The following PBX1 variants were observed in gnomAD, a reference collection of about 807,000 sequenced individuals.
PBX1 encodes PBX homeobox 1, also known as pre-B-cell leukemia transcription factor 1.
Under a neutral mutation model 53.4 loss-of-function variants are expected in PBX1, and 6 were observed. That is an observed-to-expected ratio of 0.11 (90% confidence interval 0.06 to 0.22). The LOEUF (loss-of-function observed/expected upper bound fraction) is 0.22. Ranked by LOEUF, PBX1 falls within the 10% of genes least tolerant of loss-of-function variation. The pLI is 1.00. For synonymous variants in PBX1, 204 were observed against 212.3 expected (o/e 0.96, Z 0.34); for missense variants, 251 against 551.4 (o/e 0.46, Z 5.46).
At chr1:164,700,758 C>T in intron 2 of PBX1, 20 of 982,372 alleles carry the variant, frequency 2.0e-5, no homozygotes, top group Non-Finnish European at 2.4e-5. Flanking sequence ...GAACAAGGTG[C>T]TTTTCCCTTG....
At chr1:164,806,019 G>A (rs1337786909) in intron 4 of PBX1, among the ~76,000 whole-genome samples, 1 of 152,208 alleles carries the variant, frequency 6.6e-6, no homozygotes, top group Non-Finnish European at 1.5e-5. Context: ...CTTTCTGTTG[G>A]CTAAATTGGG....
intron 2 of PBX1, among the ~76,000 whole-genome samples, chr1:164,858,562 C>A (rs1672026260): frequency 6.6e-6 from 1 of 152,036 alleles, no homozygotes; most frequent in African/African-American, 2.4e-5. Context: ...GGGTCTCAAG[C>A]CTCACTAATG....
rs1400850572 is a variant in PBX1, at chr1:164,726,291, C to T, written c.266-66203C>T. On this transcript the variant is annotated intron_variant, in intron 2 of 8. Coordinates refer to ENST00000420696, the MANE Select transcript of PBX1 (RefSeq NM_002585.4). Reference sequence around the variant, plus strand: ...AATTTACAGAGACTATGGTCTTTCCCTGCCATGGGTTTAGTGTAGAGAAAA... The same window carrying T: ...AATTTACAGAGACTATGGTCTTTCCTTGCCATGGGTTTAGTGTAGAGAAAA... Among the ~76,000 whole-genome samples, 3 of 152,200 alleles carry T rather than the reference C, an allele frequency of 2.0e-5. No individual in the cohort carries two copies. In the South Asian group the frequency reaches 6.2e-4, roughly 32 times the overall value.
chr1:164,707,213 C>A (rs1663470261), intron 2 of PBX1, among the ~76,000 whole-genome samples: 1 of 152,134 alleles, frequency 6.6e-6, no homozygotes, highest in Admixed American at 6.5e-5. Flanking sequence ...TGACATGAAG[C>A]CCTGGCTTAA....
intron 2 of PBX1, among the ~76,000 whole-genome samples, chr1:164,596,621 T>C (rs1049289566): frequency 6.6e-6 from 1 of 151,970 alleles, no homozygotes; most frequent in African/African-American, 2.4e-5. Context: ...GATGTAGGAG[T>C]TTATTGTATC....
intron 2 of PBX1, among the ~76,000 whole-genome samples, chr1:164,756,194 T>C (rs1327274607): frequency 6.6e-6 from 1 of 152,084 alleles, no homozygotes; most frequent in Admixed American, 6.5e-5. Context: ...TCATATTATA[T>C]GAATAGCACC....
intron 2 of PBX1, among the ~76,000 whole-genome samples, chr1:164,755,058 A>G (rs1425848816): frequency 1.3e-5 from 2 of 152,248 alleles, no homozygotes; most frequent in Non-Finnish European, 2.9e-5. Context: ...TGGACCTTTG[A>G]TGGAAGAACA....
At chr1:164,636,035 G>A (rs1366750937) in intron 2 of PBX1, among the ~76,000 whole-genome samples, 1 of 152,132 alleles carries the variant, frequency 6.6e-6, no homozygotes, top group Non-Finnish European at 1.5e-5. Flanking sequence ...AATGGGCGTT[G>A]CAAGCTCCCC....
chr1:164,789,004 T>G (rs1668350993), intron 2 of PBX1, among the ~76,000 whole-genome samples: 1 of 152,198 alleles, frequency 6.6e-6, no homozygotes, highest in Admixed American at 6.5e-5. Flanking sequence ...AGCGAAATAC[T>G]AACACTTTCT....
chr1:164,594,120 G>A (rs1655591273), intron 2 of PBX1, among the ~76,000 whole-genome samples: 1 of 152,056 alleles, frequency 6.6e-6, no homozygotes, highest in Non-Finnish European at 1.5e-5. Flanking sequence ...CATCAAAGGT[G>A]GCATTATCCC....
intron 2 of PBX1, among the ~76,000 whole-genome samples, chr1:164,774,106 A>G (rs777257998): frequency 3.9e-5 from 6 of 152,252 alleles, no homozygotes; most frequent in Non-Finnish European, 8.8e-5. Context: ...ATTGTTTTAC[A>G]TAGTGGGGTG....
intron 2 of PBX1, among the ~76,000 whole-genome samples, chr1:164,776,174 C>A (rs981427374): frequency 7.9e-5 from 12 of 152,118 alleles, no homozygotes; most frequent in Admixed American, 5.9e-4. Flanking sequence ...GGCAGCCTAT[C>A]CTAGATTGAA....
chr1:164,576,177 G>A (rs889631138), intron 2 of PBX1, among the ~76,000 whole-genome samples: 1 of 152,230 alleles, frequency 6.6e-6, no homozygotes, highest in Non-Finnish European at 1.5e-5. Context: ...ATGGCCTTGT[G>A]CTAAGACGAG....
chr1:164,798,901 C>T (rs910518293), intron 3 of PBX1, among the ~76,000 whole-genome samples: 3 of 152,188 alleles, frequency 2.0e-5, no homozygotes, highest in African/African-American at 7.2e-5. Context: ...GATGAGAAAT[C>T]TCCCAGAAGA....
At chr1:164,646,895 C>T (rs777624766) in intron 2 of PBX1, among the ~76,000 whole-genome samples, 6 of 152,298 alleles carry the variant, frequency 3.9e-5, no homozygotes, top group East Asian at 1.9e-4. Context: ...GACTGCCCAC[C>T]GCAAACACAT....
intron 2 of PBX1, among the ~76,000 whole-genome samples, chr1:164,600,401 G>A (rs763201226): frequency 2.6e-5 from 4 of 151,854 alleles, no homozygotes; most frequent in African/African-American, 4.8e-5. Flanking sequence ...ACAGGTGCCC[G>A]CCACCATCGG....
intron 2 of PBX1, among the ~76,000 whole-genome samples, chr1:164,653,696 G>A (rs945153052): frequency 6.6e-6 from 1 of 152,154 alleles, no homozygotes; most frequent in Non-Finnish European, 1.5e-5. Flanking sequence ...CTTGAACCGG[G>A]GAAGCGGAGG....
intron 3 of PBX1, among the ~76,000 whole-genome samples, chr1:164,799,231 C>A (rs1350381340): frequency 1.3e-5 from 2 of 152,182 alleles, no homozygotes; most frequent in Non-Finnish European, 2.9e-5. Context: ...TGGCTCACGC[C>A]TGTAATCCCA....
intron 2 of PBX1, chr1:164,770,688 A>G (rs972884710): frequency 3.3e-5 from 5 of 152,194 alleles, no homozygotes; most frequent in Non-Finnish European, 7.3e-5. Flanking sequence ...TTCCTTGAGC[A>G]AAGTGCATTT....
Sources: allele counts gnomAD v4.1 joint callset (sites outside exome capture counted in the v4.1 genomes callset), GRCh38; gene constraint gnomAD v4.1.1; transcripts MANE v1.5; gene names NCBI Gene and HGNC (gene_info 2026-07-23, HGNC 2026-07-21).